The following EPB41L1 variants were observed in gnomAD, a reference collection of about 807,000 sequenced individuals.
The protein encoded by EPB41L1 is band 4.1-like protein 1.
In EPB41L1, 29 loss-of-function variants were observed where a neutral mutation model predicts 97.8. The ratio of observed to expected loss-of-function variants is 0.30; its 90% CI spans 0.22 to 0.40. EPB41L1 has a LOEUF of 0.40. Ranked by LOEUF, EPB41L1 falls within the 10% of genes least tolerant of loss-of-function variation. EPB41L1 has a pLI of 1.00. For missense variants in EPB41L1, 812 were observed against 1,162.3 expected (o/e 0.70, Z 4.38); for synonymous variants, 383 against 459.2 (o/e 0.83, Z 2.12).
Position 36,190,597 on chromosome 20 carries a change from C to T in EPB41L1, c.1125-25C>T. The T allele has an allele frequency of 1.2e-6, 2 of 1,613,724 alleles. No homozygotes were observed. Among genetic ancestry groups the T allele is most frequent in the East Asian group, 2.2e-5 (1 of 44,874 alleles). ...TGGCAGTGCAGGTCTGATTCCTCCT[C>T]CTCCCCTGCATCCCTCTGCTGCAGG... On this transcript the variant is annotated intron_variant, in intron 10 of 21. Coordinates refer to ENST00000338074, the MANE Select transcript of EPB41L1 (RefSeq NM_012156.2). The surrounding 1 kb of genome is among the most constrained non-coding windows in gnomAD (Gnocchi z 5.8).
intron 2 of EPB41L1, among the ~76,000 whole-genome samples, chr20:36,137,771 G>A (rs1244542667): frequency 3.9e-5 from 6 of 152,226 alleles, no homozygotes; most frequent in South Asian, 2.1e-4. Flanking sequence ...TGATCTGCCC[G>A]CCTCGGCCTC....
Position 36,136,332 on chromosome 20 carries a change from G to A in EPB41L1, c.-10+23852G>A, listed in dbSNP as rs187048549. On this transcript the variant is annotated intron_variant, in intron 2 of 19. Transcript: ENST00000202028. ...ACTACAGGCACATGCAACTGTGCCC[G>A]GCTAAGTTTTTTTTTTTTTTTTTTT... 2.0e-4 allele frequency among the ~76,000 whole-genome samples: 30 copies of A among 149,364 alleles called. No homozygotes were observed. In the East Asian group the frequency reaches 3.9e-3, roughly 20 times the overall value.
At chr20:36,217,366 G>A (rs1265061518) in intron 17 of EPB41L1, among the ~76,000 whole-genome samples, 1 of 152,202 alleles carries the variant, frequency 6.6e-6, no homozygotes, top group African/African-American at 2.4e-5. Flanking sequence ...CAAGTGAGGA[G>A]AGCCTGAATG....
At position 36,092,609 on chromosome 20, in the gene EPB41L1, C is replaced by CCGGGG. The variant is rs1819681907; in HGVS notation, c.-65+1006_-65+1010dup. 2 of 151,892 alleles carry CCGGGG rather than the reference C, an allele frequency of 1.3e-5. No individual in the cohort carries two copies. The highest frequency in any genetic ancestry group is 4.1e-4 in the South Asian group (2 of 4,824). 9.4% of individuals were successfully genotyped at this position (151,892 alleles called of 1,614,324 possible). A position where few individuals can be genotyped will look rare whatever the true frequency, so the allele number is the denominator to read the frequency against. On this transcript the variant is annotated intron_variant, in intron 1 of 19. Coordinates refer to the EPB41L1 transcript ENST00000202028. This position sits in a 1 kb window ranked among gnomAD's most constrained non-coding sequence, Gnocchi z 7.0. ...CCGCCGCCTCCTCCGGGGGAGCCGG[C>CCGGGG]CGGGGCGGGGCGGAGCGGCGAGAGG...
At chr20:36,213,291 G>A (rs752180982) in intron 16 of EPB41L1, among the ~76,000 whole-genome samples, 2 of 152,108 alleles carry the variant, frequency 1.3e-5, no homozygotes, top group Middle Eastern at 3.2e-3. Flanking sequence ...CCAGCTGCTC[G>A]GGAGGCTGAT....
chr20:36,194,512 T>A, intron 12 of EPB41L1, 152 bp downstream of exon 12: 1 of 1,068,480 alleles, frequency 9.4e-7, no homozygotes, highest in Non-Finnish European at 1.4e-6. Context: ...TTGGGTCATC[T>A]CTCAATACCT....
chr20:36,218,765 A>G, intron 17 of EPB41L1, 111 bp from the exon 18 acceptor site: 6 of 971,184 alleles, frequency 6.2e-6, no homozygotes, highest in South Asian at 5.5e-5. Context: ...CTTTGCTTCT[A>G]TTATTTCTAC....
upstream of EPB41L1, chr20:36,150,762 C>T (rs573316690): frequency 6.6e-6 from 1 of 152,364 alleles, no homozygotes; most frequent in African/African-American, 2.4e-5. Context: ...GCTTCACCTT[C>T]TAGTATCCTC....
Position 36,232,473 on chromosome 20 carries a change from G to T in EPB41L1, c.*3133G>T. The T allele has an allele frequency of 2.5e-6, 1 of 397,808 alleles. No individual in the cohort carries two copies. The highest frequency in any genetic ancestry group is 4.4e-6 in the Non-Finnish European group (1 of 225,880). 24.6% of individuals were successfully genotyped at this position (397,808 alleles called of 1,614,324 possible). A position where few individuals can be genotyped will look rare whatever the true frequency, so the allele number is the denominator to read the frequency against. On this transcript the variant is annotated 3_prime_UTR_variant, in exon 22 of 22. Transcript: ENST00000338074. ...CTTTTTCTACTTTGCTATCTCATGGGTCTTCATTTTCTCTTATTTTGTTTT... is the reference window on the plus strand; with the variant it reads ...CTTTTTCTACTTTGCTATCTCATGGTTCTTCATTTTCTCTTATTTTGTTTT...
chr20:36,145,928 G>C (rs923018546), intron 2 of EPB41L1, among the ~76,000 whole-genome samples: 10 of 152,288 alleles, frequency 6.6e-5, no homozygotes, highest in African/African-American at 2.4e-4. Context: ...GTCATATGCA[G>C]CGTTTCCTGA....
Position 36,134,043 on chromosome 20 carries a change from C to T in EPB41L1, c.-10+21563C>T, listed in dbSNP as rs6142514. The stretch of plus-strand genomic sequence containing the variant: ...CTGTCATGAAATGGCAGAGGTAGGA[C>T]TGTAGCCTATGCTCTTAGCCTCTGC... On this transcript the variant is annotated intron_variant, in intron 2 of 19. Transcript: ENST00000202028. Among the ~76,000 whole-genome samples the T allele has an allele frequency of 2.0e-5, 3 of 152,246 alleles. No homozygotes were observed. In the East Asian group the frequency reaches 5.8e-4, roughly 29 times the overall value.
chr20:36,124,239 A>C, intron 2 of EPB41L1, among the ~76,000 whole-genome samples: 1 of 152,208 alleles, frequency 6.6e-6, no homozygotes. Flanking sequence ...TGGGCGACAG[A>C]GTGAGACTCC....
chr20:36,213,036 G>A (rs1223560950), intron 16 of EPB41L1, among the ~76,000 whole-genome samples: 1 of 149,898 alleles, frequency 6.7e-6, no homozygotes, highest in Admixed American at 6.6e-5. Flanking sequence ...ATGCCCTCCT[G>A]GTTTTTCCTG....
At chr20:36,112,881 C>T (rs1001825023) in intron 2 of EPB41L1, among the ~76,000 whole-genome samples, 1 of 152,214 alleles carries the variant, frequency 6.6e-6, no homozygotes, top group Non-Finnish European at 1.5e-5. Context: ...TGCCCGTTGA[C>T]TACTACATGA....
intron 1 of EPB41L1, among the ~76,000 whole-genome samples, chr20:36,170,619 T>TG (rs2060948208): frequency 6.6e-6 from 1 of 152,128 alleles, no homozygotes; most frequent in Admixed American, 6.5e-5. Context: ...CTTTCTCCTT[T>TG]GGGGGGTTCT....
chr20:36,196,340 T>C (rs2062201203), intron 13 of EPB41L1, among the ~76,000 whole-genome samples: 2 of 152,220 alleles, frequency 1.3e-5, no homozygotes, highest in Admixed American at 1.3e-4. Context: ...CACTGCTCCC[T>C]ACAGCCTTCA....
At chr20:36,176,349 G>C (rs879342739) in intron 3 of EPB41L1, among the ~76,000 whole-genome samples, 1 of 152,166 alleles carries the variant, frequency 6.6e-6, no homozygotes, top group African/African-American at 2.4e-5. Flanking sequence ...TCCTATATAG[G>C]TTCTGACTCC....
chr20:36,124,250 G>A (rs895661007), intron 2 of EPB41L1, among the ~76,000 whole-genome samples: 6 of 152,010 alleles, frequency 3.9e-5, no homozygotes, highest in Non-Finnish European at 7.4e-5. Context: ...GTGAGACTCC[G>A]TCTCAAAAAA....
chr20:36,192,615 G>A (rs189198510), intron 11 of EPB41L1, among the ~76,000 whole-genome samples: 120 of 152,074 alleles, frequency 7.9e-4, no homozygotes, highest in African/African-American at 2.7e-3. Context: ...CTTGGGGCAG[G>A]CCTCCAGGCA....
Sources: gnomAD v4.1 joint callset for allele counts (sites outside exome capture counted in the v4.1 genomes callset) on GRCh38, gnomAD v4.1.1 for gene constraint, Gnocchi (gnomAD v3.1) non-coding constraint, MANE v1.5 for transcripts, NCBI Gene and HGNC (gene_info 2026-07-23, HGNC 2026-07-21) for gene names.